Variants in RAB31 observed in about 807,000 individuals in gnomAD.
The protein encoded by RAB31 is RAB31, member RAS oncogene family, also known as ras-related protein Rab-31.
A neutral mutation model predicts 25.6 loss-of-function variants in RAB31; 21 were observed. The observed-to-expected ratio is 0.82, with a 90% CI of 0.58 to 1.18. RAB31 has a LOEUF of 1.18. RAB31 is among the 50% of genes most tolerant of loss of function. The probability of loss-of-function intolerance (pLI) is 0.00; values close to 1 mark genes in which losing one functional copy is unlikely to be tolerated. For synonymous variants in RAB31, 87 were observed against 84.0 expected (o/e 1.04, Z -0.20); for missense variants, 196 against 250.1 (o/e 0.78, Z 1.46).
intron 3 of RAB31, among the ~76,000 whole-genome samples, chr18:9,793,078 C>T (rs1268531119): frequency 2.6e-5 from 4 of 152,118 alleles, no homozygotes; most frequent in South Asian, 2.1e-4. Context: ...ATAACTAGAG[C>T]GTATATTATA....
At chr18:9,742,708 G>A (rs1260002230) in intron 1 of RAB31, among the ~76,000 whole-genome samples, 1 of 152,128 alleles carries the variant, frequency 6.6e-6, no homozygotes, top group African/African-American at 2.4e-5. Flanking sequence ...TCTTTGATGT[G>A]GGAAGGAAAG....
intron 1 of RAB31, among the ~76,000 whole-genome samples, chr18:9,759,956 C>T (rs779680143): frequency 5.9e-5 from 9 of 152,120 alleles, no homozygotes; most frequent in East Asian, 1.9e-4. Flanking sequence ...AGGTGGTCCC[C>T]GTGAGCACGT....
intron 6 of RAB31, among the ~76,000 whole-genome samples, chr18:9,851,872 C>A (rs1344580845): frequency 4.0e-5 from 6 of 150,902 alleles, no homozygotes; most frequent in South Asian, 2.1e-4. Context: ...ATTTCATAAT[C>A]TATTTCAATA....
intron 6 of RAB31, among the ~76,000 whole-genome samples, chr18:9,848,050 A>G (rs1421798110): frequency 6.6e-6 from 1 of 152,202 alleles, no homozygotes; most frequent in Admixed American, 6.5e-5. Flanking sequence ...AAGCCATCAA[A>G]TACCCATATC....
At chr18:9,839,373 AATCAGAAG>A (rs1311929223) in intron 5 of RAB31, among the ~76,000 whole-genome samples, 4 of 152,194 alleles carry the variant, frequency 2.6e-5, no homozygotes, top group Admixed American at 6.5e-5. Flanking sequence ...ATTCTCCAGC[AATCAGAAG>A]ATGTTGGAGA....
At chr18:9,740,250 A>G (rs1309747595) in intron 1 of RAB31, among the ~76,000 whole-genome samples, 1 of 152,226 alleles carries the variant, frequency 6.6e-6, no homozygotes, top group Non-Finnish European at 1.5e-5. Context: ...GTTTTCAGTA[A>G]AAGTTCCTTT....
intron 1 of RAB31, among the ~76,000 whole-genome samples, chr18:9,727,601 C>A (rs999517916): frequency 6.6e-6 from 1 of 152,218 alleles, no homozygotes; most frequent in Non-Finnish European, 1.5e-5. Context: ...TAGGCATGAA[C>A]CACTGTGTCC....
intron 1 of RAB31, chr18:9,726,282 G>A (rs1351984736): frequency 6.6e-6 from 1 of 152,218 alleles, no homozygotes; most frequent in African/African-American, 2.4e-5. Flanking sequence ...GGACTGCAGG[G>A]GACTGTTAGA....
intron 6 of RAB31, among the ~76,000 whole-genome samples, chr18:9,858,099 CAA>C (rs2143158471): frequency 6.6e-6 from 1 of 152,228 alleles, no homozygotes; most frequent in Non-Finnish European, 1.5e-5. Context: ...AGAAAAGTAG[CAA>C]AGAGACCTAA....
intron 3 of RAB31, among the ~76,000 whole-genome samples, chr18:9,812,457 C>T (rs988554893): frequency 6.6e-6 from 1 of 151,976 alleles, no homozygotes; most frequent in Non-Finnish European, 1.5e-5. Flanking sequence ...GTATGTGTGC[C>T]TCCCTTCCCA....
chr18:9,768,871 A>G (rs941160489), intron 1 of RAB31, among the ~76,000 whole-genome samples: 2 of 152,198 alleles, frequency 1.3e-5, no homozygotes, highest in Admixed American at 6.5e-5. Flanking sequence ...TAACTTTTGT[A>G]TAAGGTGTAA....
chr18:9,819,473 T>G (rs1391693761), intron 5 of RAB31, among the ~76,000 whole-genome samples: 1 of 152,184 alleles, frequency 6.6e-6, no homozygotes, highest in Non-Finnish European at 1.5e-5. Flanking sequence ...TGCTGTAGCT[T>G]TGTAGTAAGT....
intron 2 of RAB31, among the ~76,000 whole-genome samples, chr18:9,790,659 C>T (rs2068455380): frequency 1.3e-5 from 2 of 152,152 alleles, no homozygotes; most frequent in African/African-American, 4.8e-5. Context: ...CTGTATTTTT[C>T]TGGTTTGCTT....
chr18:9,817,582 T>C (rs1177535875), intron 5 of RAB31, among the ~76,000 whole-genome samples: 1 of 152,020 alleles, frequency 6.6e-6, no homozygotes, highest in East Asian at 1.9e-4. Flanking sequence ...TAGTACGAGA[T>C]GATATTTCCC....
intron 1 of RAB31, among the ~76,000 whole-genome samples, chr18:9,719,322 TA>T (rs2068062007): frequency 2.6e-5 from 2 of 75,732 alleles, no homozygotes; most frequent in South Asian, 5.0e-4. Context: ...TATATATATA[TA>T]TATATAAATA....
At chr18:9,812,687 C>CTT (rs1248424618) in intron 3 of RAB31, among the ~76,000 whole-genome samples, 27 of 100,848 alleles carry the variant, frequency 2.7e-4, no homozygotes, top group Admixed American at 6.8e-4. Flanking sequence ...CTCCAGGATA[C>CTT]TATTTTTTTT....
intron 1 of RAB31, among the ~76,000 whole-genome samples, chr18:9,712,176 A>G (rs8091483): frequency 0.078 from 11,886 of 152,334 alleles, 1,613 homozygotes; most frequent in African/African-American, 0.27. Context: ...GGGATGGATA[A>G]TGGCCTGTGG....
intron 3 of RAB31, among the ~76,000 whole-genome samples, chr18:9,795,200 G>A (rs2068481005): frequency 6.6e-6 from 1 of 152,194 alleles, no homozygotes; most frequent in African/African-American, 2.4e-5. Flanking sequence ...GTAGGAGAAT[G>A]AAACTGGATT....
At chr18:9,758,295 G>A (rs1400424571) in intron 1 of RAB31, 1 of 152,490 alleles carries the variant, frequency 6.6e-6, no homozygotes. Flanking sequence ...CAGCAGGATG[G>A]GGGAGTGGAA....
Sources: allele counts gnomAD v4.1 joint callset (sites outside exome capture counted in the v4.1 genomes callset), GRCh38; gene constraint gnomAD v4.1.1; transcripts MANE v1.5; gene names NCBI Gene and HGNC (gene_info 2026-07-23, HGNC 2026-07-21).